CPEB3: variants seen among roughly 807,000 people sequenced by gnomAD.
CPEB3 encodes the protein cytoplasmic polyadenylation element-binding protein 3.
CPEB3 carries 20 observed loss-of-function variants against 67.2 expected under a neutral mutation model. The ratio of observed to expected loss-of-function variants is 0.30; its 90% CI spans 0.21 to 0.43. The LOEUF is 0.43. Ranked by LOEUF, CPEB3 falls within the 20% of genes least tolerant of loss-of-function variation. The pLI is 1.00. For synonymous variants in CPEB3, 376 were observed against 393.1 expected (o/e 0.96, Z 0.51); for missense variants, 746 against 968.6 (o/e 0.77, Z 3.05).
chr10:92,235,568 C>T (rs1851491764), intron 2 of CPEB3, among the ~76,000 whole-genome samples: 1 of 152,224 alleles, frequency 6.6e-6, no homozygotes, highest in South Asian at 2.1e-4. Context: ...AGGCACTGTG[C>T]TACGCACTTT....
At chr10:92,063,130 T>C (rs143562344) in intron 9 of CPEB3, among the ~76,000 whole-genome samples, 3 of 152,370 alleles carry the variant, frequency 2.0e-5, no homozygotes, top group African/African-American at 7.2e-5. Context: ...AGCCATACTT[T>C]TTAACAAACT....
intron 1 of CPEB3, among the ~76,000 whole-genome samples, chr10:92,262,905 G>C (rs2134911716): frequency 6.6e-6 from 1 of 152,074 alleles, no homozygotes; most frequent in Middle Eastern, 3.4e-3. Flanking sequence ...CTGCAGTCTT[G>C]ACTCCAAGGC....
intron 2 of CPEB3, among the ~76,000 whole-genome samples, chr10:92,206,270 G>A (rs1336497559): frequency 1.3e-5 from 2 of 151,632 alleles, no homozygotes; most frequent in African/African-American, 2.4e-5. Flanking sequence ...ACGGGATTTC[G>A]GCATGTTGGT....
chr10:92,217,206 C>CA (rs1163974877), intron 2 of CPEB3, among the ~76,000 whole-genome samples: 368 of 25,496 alleles, frequency 0.014, 63 homozygotes, highest in East Asian at 0.076. Flanking sequence ...GACTCTGCCT[C>CA]AAAAAAAAAA....
chr10:92,163,783 G>C (rs1426537713), intron 4 of CPEB3, among the ~76,000 whole-genome samples: 1 of 152,096 alleles, frequency 6.6e-6, no homozygotes, highest in African/African-American at 2.4e-5. Context: ...AGTTATAATT[G>C]AAAAGATCAA....
intron 7 of CPEB3, among the ~76,000 whole-genome samples, chr10:92,100,440 A>C (rs1564778871): frequency 6.6e-6 from 1 of 150,658 alleles, no homozygotes; most frequent in African/African-American, 2.4e-5. Context: ...CGCCCCACTA[A>C]TTTTTTTGTA....
intron 2 of CPEB3, among the ~76,000 whole-genome samples, chr10:92,237,125 G>A (rs1209710578): frequency 1.3e-5 from 2 of 152,106 alleles, no homozygotes; most frequent in Admixed American, 1.3e-4. Context: ...ACAAGACTCA[G>A]GTGTTCTTTG....
At chr10:92,053,010 G>A (rs1841958248) in intron 9 of CPEB3, among the ~76,000 whole-genome samples, 1 of 152,234 alleles carries the variant, frequency 6.6e-6, no homozygotes, top group Admixed American at 6.5e-5. Context: ...ATGCTGCTGT[G>A]AGGCTGTGCA....
chr10:92,118,808 G>A (rs1214933628), intron 6 of CPEB3: 1 of 764,274 alleles, frequency 1.3e-6, no homozygotes, highest in Non-Finnish European at 2.4e-6. Context: ...AAACCGTCCT[G>A]TATCTCCCCA....
intron 6 of CPEB3, chr10:92,137,657 C>A (rs1398991337): frequency 9.0e-6 from 5 of 552,800 alleles, no homozygotes; most frequent in African/African-American, 5.7e-5. Flanking sequence ...TTGTATGAAA[C>A]CCTGATTGTC....
intron 2 of CPEB3, 91 bp from the exon 3 acceptor site, chr10:92,192,727 T>C (rs1211345358): frequency 2.1e-6 from 2 of 935,656 alleles, no homozygotes; most frequent in Non-Finnish European, 3.1e-6. Flanking sequence ...ATTGATGACA[T>C]GAATGAAAGT....
chr10:92,200,409 GT>G (rs1211669826), intron 2 of CPEB3, among the ~76,000 whole-genome samples: 1 of 152,066 alleles, frequency 6.6e-6, no homozygotes, highest in Non-Finnish European at 1.5e-5. Flanking sequence ...GCCGGGCGTG[GT>G]GGCGCATGCC....
At chr10:92,220,690 A>AGTCT (rs1477738062) in intron 2 of CPEB3, among the ~76,000 whole-genome samples, 2 of 152,156 alleles carry the variant, frequency 1.3e-5, no homozygotes, top group African/African-American at 4.8e-5. Flanking sequence ...AGCTGGCAAA[A>AGTCT]GTCTAGTCAA....
chr10:92,144,263 T>C (rs1264536174), intron 5 of CPEB3, among the ~76,000 whole-genome samples: 3 of 152,146 alleles, frequency 2.0e-5, no homozygotes, highest in African/African-American at 4.8e-5. Context: ...TTAATAGGTA[T>C]TTGTTTTTAT....
At chr10:92,144,824 G>GCATA in intron 5 of CPEB3, 121 bp downstream of exon 5, 2 of 790,904 alleles carry the variant, frequency 2.5e-6, no homozygotes, top group Non-Finnish European at 4.1e-6. Context: ...CCACCAAATA[G>GCATA]TCTCACCTCC....
intron 4 of CPEB3, among the ~76,000 whole-genome samples, chr10:92,177,226 G>C (rs1848260238): frequency 6.6e-6 from 1 of 152,136 alleles, no homozygotes; most frequent in Non-Finnish European, 1.5e-5. Flanking sequence ...GAGTGTTTTT[G>C]TTTAAAAGTA....
intron 4 of CPEB3, among the ~76,000 whole-genome samples, chr10:92,150,256 CTTTTT>C (rs1191378027): frequency 6.9e-6 from 1 of 144,274 alleles, no homozygotes; most frequent in Non-Finnish European, 1.5e-5. Context: ...CTCTCTCTCT[CTTTTT>C]TTTTTTTTAA....
chr10:92,070,739 T>G (rs934337914), intron 9 of CPEB3, among the ~76,000 whole-genome samples: 1 of 151,850 alleles, frequency 6.6e-6, no homozygotes, highest in African/African-American at 2.4e-5. Context: ...ATTGTGCCAC[T>G]GTACTCCAGC....
chr10:92,141,146 A>G (rs1353015158), intron 6 of CPEB3, among the ~76,000 whole-genome samples: 1 of 119,200 alleles, frequency 8.4e-6, no homozygotes, highest in Non-Finnish European at 1.7e-5. Flanking sequence ...TACCCAAAGG[A>G]CTATAAATCA....
Sources: gnomAD v4.1 joint callset for allele counts (sites outside exome capture counted in the v4.1 genomes callset) on GRCh38, gnomAD v4.1.1 for gene constraint, MANE v1.5 for transcripts, NCBI Gene and HGNC (gene_info 2026-07-23, HGNC 2026-07-21) for gene names.